WDR62: variants seen among roughly 807,000 people sequenced by gnomAD.
WDR62 encodes the protein WD repeat domain 62.
In WDR62, 112 loss-of-function variants were observed where a neutral mutation model predicts 160.6. The ratio of observed to expected loss-of-function variants is 0.70; its 90% CI spans 0.60 to 0.82. The LOEUF is 0.82. WDR62 is among the 40% of genes least tolerant of loss of function. The probability of loss-of-function intolerance (pLI) is 0.00; values close to 1 mark genes in which losing one functional copy is unlikely to be tolerated. For synonymous variants in WDR62, 792 were observed against 815.1 expected (o/e 0.97, Z 0.48); for missense variants, 1,819 against 1,983.8 (o/e 0.92, Z 1.58).
downstream of WDR62, among the ~76,000 whole-genome samples, chr19:36,106,312 G>A (rs1361163778): frequency 1.3e-5 from 2 of 148,468 alleles, no homozygotes; most frequent in African/African-American, 5.0e-5. Context: ...GTTTCAGTGA[G>A]CTGAGATCAC....
intron 3 of WDR62, chr19:36,062,649 CAAAAAAAAAAA>C (rs1167386837): frequency 2.0e-4 from 8 of 39,478 alleles, no homozygotes; most frequent in South Asian, 1.3e-3. Flanking sequence ...GAGTCCGTCT[CAAAAAAAAAAA>C]AAAAAAAAAA....
chr19:36,104,292 G>A (rs1443858902), intron 30 of WDR62, among the ~76,000 whole-genome samples: 2 of 152,188 alleles, frequency 1.3e-5, no homozygotes, highest in East Asian at 1.9e-4. Flanking sequence ...GGGCGAGGGA[G>A]TGCAGGGTGG....
At chr19:36,076,977 G>GTA (rs141210875) in intron 9 of WDR62, among the ~76,000 whole-genome samples, 41 of 151,034 alleles carry the variant, frequency 2.7e-4, no homozygotes, top group Middle Eastern at 3.4e-3. Context: ...GTGTGTGTGT[G>GTA]TATATATATA....
Position 36,071,551 on chromosome 19 carries a change from T to C in WDR62, c.883-5T>C. Reference sequence around the variant, plus strand: ...AATCCACTGGGGTCCCTTTTGCCCCTACAGGTCTCCCTGTCTTCCTGCCTC... The same window carrying C: ...AATCCACTGGGGTCCCTTTTGCCCCCACAGGTCTCCCTGTCTTCCTGCCTC... On this transcript the variant is annotated splice_region_variant and splice_polypyrimidine_tract_variant and intron_variant, in intron 7 of 31. Transcript: ENST00000401500. The C allele has an allele frequency of 3.7e-6, 6 of 1,614,240 alleles. No homozygotes were observed. Among genetic ancestry groups the C allele is most frequent in the Non-Finnish European group, 5.1e-6 (6 of 1,180,034 alleles).
chr19:36,078,468 A>G (rs1438979561), intron 9 of WDR62, among the ~76,000 whole-genome samples: 6 of 152,048 alleles, frequency 3.9e-5, no homozygotes, highest in Non-Finnish European at 8.8e-5. Flanking sequence ...TTTCAGTTAC[A>G]TCACTTTGTT....
intron 6 of WDR62, 27 bp downstream of exon 6, chr19:36,067,470 C>T: frequency 6.2e-7 from 1 of 1,613,850 alleles, no homozygotes; most frequent in Non-Finnish European, 8.5e-7. Flanking sequence ...GCCCCTTTAG[C>T]CAGGCCCTGA....
rs759652567 is a variant in WDR62 at position 36,103,544 on chromosome 19, G to T, written c.3716G>T (p.Gly1239Val). The T allele has an allele frequency of 3.7e-6, 6 of 1,614,030 alleles. No homozygotes were observed. The East Asian group carries it at 1.1e-4, about 30-fold the overall frequency. The change falls in exon 30 of 32, where the codon GGC (glycine) becomes GTC (valine). Residue 1239 changes from glycine to valine, a missense_variant. This residue lies in a region of WDR62 where 770 missense variants were observed against 734.2 expected (regional missense o/e 1.05). Coordinates refer to ENST00000401500, the MANE Select transcript of WDR62 (RefSeq NM_001083961.2). ...SRSISLGDSE[G>V]PIVATLAQPL... ...AGCATCTCCCTCGGTGACAGTGAGG[G>T]CCCTATCGTGGCCACACTGGCCCAG...
chr19:36,110,230 G>A, the WDR62 span, among the ~76,000 whole-genome samples: 34 of 152,184 alleles, frequency 2.2e-4, no homozygotes, highest in South Asian at 6.2e-3. Context: ...CAGCACTTTG[G>A]GAGGCCAAGG....
chr19:36,078,600 C>G (rs1971713298), intron 9 of WDR62, among the ~76,000 whole-genome samples: 1 of 151,448 alleles, frequency 6.6e-6, no homozygotes, highest in Non-Finnish European at 1.5e-5. Context: ...TTTGGGAGGC[C>G]GAGGCAGGTG....
chr19:36,100,754 A>C lies in WDR62; in HGVS notation c.2746A>C (p.Ser916Arg). Residue 916 changes from serine to arginine, a missense_variant, in exon 23 of 32, where the codon AGT becomes CGT. Ser to Arg is a moderately radical substitution (Grantham distance 110). Transcript: ENST00000401500. ...TGTGCTGTCTTCCCCATAGTCAGAGAGTCCCCAGGAAGCTGGCCGCGGGCA... is the reference window on the plus strand; with the variant it reads ...TGTGCTGTCTTCCCCATAGTCAGAGCGTCCCCAGGAAGCTGGCCGCGGGCA... ...SLASLLSESE[S>R]PQEAGRGHPS... The C allele has an allele frequency of 6.2e-7, 1 of 1,614,098 alleles. No homozygotes were observed.
chr19:36,061,934 G>A (rs1329618059), intron 3 of WDR62: 1 of 151,524 alleles, frequency 6.6e-6, no homozygotes, highest in Non-Finnish European at 1.5e-5. Flanking sequence ...TTTCACAAAT[G>A]TTAGCTTTTT....
At chr19:36,098,280 A>T (rs1052772863) in intron 21 of WDR62, among the ~76,000 whole-genome samples, 4 of 152,112 alleles carry the variant, frequency 2.6e-5, no homozygotes, top group Admixed American at 1.3e-4. Flanking sequence ...AAAAAAAGAA[A>T]AAGAGACCGG....
chr19:36,098,575 A>G (rs929077103), intron 21 of WDR62, among the ~76,000 whole-genome samples: 1 of 151,968 alleles, frequency 6.6e-6, no homozygotes, highest in Non-Finnish European at 1.5e-5. Context: ...AAAAAAAAAA[A>G]AAAGAAAGAC....
chr19:36,102,669 G>T, intron 26 of WDR62, 68 bp from the exon 27 acceptor site: 1 of 1,445,214 alleles, frequency 6.9e-7, no homozygotes, highest in African/African-American at 1.4e-5. Flanking sequence ...GCTGGGCTGT[G>T]GGCTGGCCTA....
chr19:36,078,040 C>A (rs1273587684), intron 9 of WDR62, among the ~76,000 whole-genome samples: 1 of 152,094 alleles, frequency 6.6e-6, no homozygotes, highest in African/African-American at 2.4e-5. Context: ...TTTCATTGTA[C>A]GGATAGAACA....
In WDR62 at chr19:36,083,221, C is replaced by T. The variant is rs751638362; in HGVS notation, c.1530C>T (p.Gly510=). 20 of 1,603,310 alleles carry T rather than the reference C, an allele frequency of 1.2e-5. No homozygotes were observed. The highest frequency in any genetic ancestry group is 3.4e-5 in the South Asian group (3 of 89,324). ...VSPDGQHLAS[G]DRSGNLRIHE... is the part of the protein sequence containing the mutation. ...CTGACGGCCAGCATTTGGCTTCAGG[C>T]GACCGAAGTGGAAATCTGAGGCAAG... Residue 510 remains glycine (G), a synonymous_variant, in exon 11 of 32, where the codon GGC becomes GGT. Transcript: ENST00000401500.
intron 9 of WDR62, among the ~76,000 whole-genome samples, chr19:36,077,456 ATTT>A (rs1950756272): frequency 6.6e-6 from 1 of 151,166 alleles, no homozygotes; most frequent in Admixed American, 6.6e-5. Flanking sequence ...AATTTTTTGT[ATTT>A]TTAGTAGAGA....
chr19:36,083,131 C>A lies in WDR62; in HGVS notation c.1440C>A (p.Asp480Glu). 1 of 1,613,790 alleles carries A rather than the reference C, an allele frequency of 6.2e-7. No individual in the cohort carries two copies. Among genetic ancestry groups the A allele is most frequent in the Non-Finnish European group, 8.5e-7 (1 of 1,179,858 alleles). Residue 480 changes from aspartate (D) to glutamate (E), a missense_variant, in exon 11 of 32, where the codon GAC becomes GAA. This residue lies in a region of WDR62 where 934 missense variants were observed against 1,157.2 expected (regional missense o/e 0.81). Coordinates refer to ENST00000401500, the MANE Select transcript of WDR62 (RefSeq NM_001083961.2). Reference sequence around the variant, plus strand: ...TGCAGGACATGTCACACTTCCCAGACCGGGGGAGCGAGAATGGGACACCCA... The same window carrying A: ...TGCAGGACATGTCACACTTCCCAGAACGGGGGAGCGAGAATGGGACACCCA... ...QHLQDMSHFPDRGSENGTPMD... is the reference protein window; with the variant it reads ...QHLQDMSHFPERGSENGTPMD...
chr19:36,068,589 T>A (rs1012373181), intron 7 of WDR62, among the ~76,000 whole-genome samples: 1 of 152,172 alleles, frequency 6.6e-6, no homozygotes, highest in African/African-American at 2.4e-5. Context: ...CAAGCATCTG[T>A]TTAACAAAGC....
Sources: gnomAD v4.1 joint callset for allele counts (sites outside exome capture counted in the v4.1 genomes callset) on GRCh38, gnomAD v4.1.1 for gene constraint, gnomAD v4.1.1 regional missense constraint, MANE v1.5 for transcripts, NCBI Gene and HGNC (gene_info 2026-07-23, HGNC 2026-07-21) for gene names.